EYS: variants seen among roughly 807,000 people sequenced by gnomAD.
The protein encoded by EYS is EGF-like photoreceptor maintenance factor, also known as protein eyes shut homolog.
EYS carries 250 observed loss-of-function variants against 282.1 expected under a neutral mutation model. The observed-to-expected ratio is 0.89, with a 90% CI of 0.80 to 0.98. The LOEUF (loss-of-function observed/expected upper bound fraction) is 0.98, where lower values mean the gene tolerates loss of function less well. EYS is among the 50% of genes least tolerant of loss of function. The pLI is 0.00. For synonymous variants in EYS, 1,355 were observed against 1,282.9 expected (o/e 1.06, Z -1.20); for missense variants, 4,016 against 3,709.0 (o/e 1.08, Z -2.15).
chr6:65,623,384 C>G (rs1374833976), intron 2 of EYS, among the ~76,000 whole-genome samples: 1 of 151,524 alleles, frequency 6.6e-6, no homozygotes, highest in Non-Finnish European at 1.5e-5. Context: ...AATGTTTATC[C>G]CTTGAAATGA....
chr6:65,071,643 C>T (rs1773905938), intron 12 of EYS, among the ~76,000 whole-genome samples: 1 of 151,780 alleles, frequency 6.6e-6, no homozygotes, highest in African/African-American at 2.4e-5. Context: ...GTGTCACATA[C>T]ATCTGTTCAA....
intron 8 of EYS, among the ~76,000 whole-genome samples, chr6:65,362,258 T>G (rs1393683): frequency 0.9 from 137,050 of 152,032 alleles, 62,081 homozygotes; most frequent in Non-Finnish European, 0.95. Flanking sequence ...ATGGCACAAA[T>G]AAAGTAAAAG....
chr6:63,912,617 G>C (rs1764284461), intron 35 of EYS, among the ~76,000 whole-genome samples: 1 of 152,160 alleles, frequency 6.6e-6, no homozygotes, highest in Admixed American at 6.5e-5. Flanking sequence ...AATCTCTTAT[G>C]TTGAAATGTA....
chr6:63,863,675 C>CTTTTTTTTTTT (rs1284326554), intron 36 of EYS, among the ~76,000 whole-genome samples: 2 of 60,042 alleles, frequency 3.3e-5, no homozygotes, highest in African/African-American at 1.1e-4. Context: ...TTTCTTTTTT[C>CTTTTTTTTTTT]TTTTTTTTTT....
intron 27 of EYS, 48 bp downstream of exon 27, chr6:64,439,114 A>T: frequency 1.9e-6 from 2 of 1,054,120 alleles, no homozygotes; most frequent in Non-Finnish European, 2.6e-6. Context: ...GCACATAATT[A>T]GAACAACTTT....
At chr6:64,326,351 G>A (rs1770421511) in intron 29 of EYS, among the ~76,000 whole-genome samples, 1 of 152,006 alleles carries the variant, frequency 6.6e-6, no homozygotes, top group Non-Finnish European at 1.5e-5. Flanking sequence ...TGCCTGCAGG[G>A]TCACAAGACC....
At chr6:65,455,577 T>C (rs1471893246) in intron 5 of EYS, among the ~76,000 whole-genome samples, 3 of 152,114 alleles carry the variant, frequency 2.0e-5, no homozygotes, top group Non-Finnish European at 4.4e-5. Context: ...TCATTACAAC[T>C]GACACCACAG....
At chr6:64,536,511 CTG>C (rs1764523460) in intron 26 of EYS, among the ~76,000 whole-genome samples, 1 of 152,116 alleles carries the variant, frequency 6.6e-6, no homozygotes, top group Non-Finnish European at 1.5e-5. Flanking sequence ...AAATAAATAA[CTG>C]TGACATTTTG....
At chr6:64,984,774 T>A (rs898285538) in intron 14 of EYS, among the ~76,000 whole-genome samples, 1 of 151,446 alleles carries the variant, frequency 6.6e-6, no homozygotes, top group Non-Finnish European at 1.5e-5. Flanking sequence ...CTTATTTCTG[T>A]GATACGATCC....
chr6:65,453,452 T>G (rs1764481546), intron 5 of EYS, among the ~76,000 whole-genome samples: 1 of 152,048 alleles, frequency 6.6e-6, no homozygotes, highest in South Asian at 2.1e-4. Flanking sequence ...TCAATACATA[T>G]CTATGCTGCA....
At chr6:64,716,944 T>A in intron 22 of EYS, among the ~76,000 whole-genome samples, 1 of 152,150 alleles carries the variant, frequency 6.6e-6, no homozygotes, top group Non-Finnish European at 1.5e-5. Flanking sequence ...ATGATTTAAG[T>A]AGGACTCTTG....
At chr6:64,948,945 G>A (rs1769390086) in intron 14 of EYS, among the ~76,000 whole-genome samples, 2 of 151,934 alleles carry the variant, frequency 1.3e-5, no homozygotes, top group Admixed American at 1.3e-4. Flanking sequence ...AAGCTGTCAA[G>A]TTTGATAGTT....
chr6:64,591,891 C>T lies in EYS; in HGVS notation c.3976G>A (p.Glu1326Lys). 6.4e-7 allele frequency: 1 copy of T among 1,550,906 alleles called. No homozygotes were observed. The highest frequency in any genetic ancestry group is 8.7e-7 in the Non-Finnish European group (1 of 1,146,456). The change falls in exon 26 of 43, where the codon GAA becomes AAA. Residue 1326 changes from glutamate (E) to lysine (K), a missense_variant. Coordinates refer to ENST00000503581, the MANE Select transcript of EYS (RefSeq NM_001142800.2). ...STPLESYLLQ[E>K]LIVTRELSAK... Reference sequence around the variant, plus strand: ...GAAAGCTCTCTAGTGACAATCAGTTCTTGGAGTAAGTAGCTTTCCAAGGGT... The same window carrying T: ...GAAAGCTCTCTAGTGACAATCAGTTTTTGGAGTAAGTAGCTTTCCAAGGGT...
chr6:64,838,001 T>C (rs1562218409), intron 19 of EYS, among the ~76,000 whole-genome samples: 1 of 151,866 alleles, frequency 6.6e-6, no homozygotes, highest in African/African-American at 2.4e-5. Flanking sequence ...CTTAAATTTA[T>C]ACAAACTTTA....
At chr6:65,377,239 CAATTTTGTG>C (rs1341280104) in intron 8 of EYS, among the ~76,000 whole-genome samples, 2 of 152,140 alleles carry the variant, frequency 1.3e-5, no homozygotes, top group Non-Finnish European at 2.9e-5. Context: ...CAAAACCACA[CAATTTTGTG>C]GAAACTGAAC....
intron 26 of EYS, among the ~76,000 whole-genome samples, chr6:64,466,469 G>A (rs1268835664): frequency 6.6e-6 from 1 of 152,096 alleles, no homozygotes; most frequent in Non-Finnish European, 1.5e-5. Flanking sequence ...TGAAGTTGGG[G>A]AGCACCATGT....
intron 30 of EYS, among the ~76,000 whole-genome samples, chr6:64,264,440 G>A (rs1243298259): frequency 6.6e-6 from 1 of 152,106 alleles, no homozygotes; most frequent in Admixed American, 6.6e-5. Flanking sequence ...CTGCAGGCTA[G>A]CCAGTGCTTG....
At chr6:64,198,136 G>A (rs1765349628) in intron 31 of EYS, among the ~76,000 whole-genome samples, 1 of 151,298 alleles carries the variant, frequency 6.6e-6, no homozygotes, top group South Asian at 2.1e-4. Context: ...GGGACTACAG[G>A]CGCCCGCCAC....
chr6:64,790,326 A>T, intron 22 of EYS, among the ~76,000 whole-genome samples: 1 of 151,784 alleles, frequency 6.6e-6, no homozygotes, highest in East Asian at 1.9e-4. Context: ...CTGCACATAC[A>T]CCCCCTGAAC....
Sources: allele counts gnomAD v4.1 joint callset (sites outside exome capture counted in the v4.1 genomes callset), GRCh38; gene constraint gnomAD v4.1.1; transcripts MANE v1.5; gene names NCBI Gene and HGNC (gene_info 2026-07-23, HGNC 2026-07-21).